The following ZBBX variants were observed in gnomAD, a reference collection of about 807,000 sequenced individuals.
ZBBX encodes the protein zinc finger B-box domain-containing protein 1.
In ZBBX, 101 loss-of-function variants were observed where a neutral mutation model predicts 108.5. That is an observed-to-expected ratio of 0.93 (90% CI 0.79 to 1.10). ZBBX has a LOEUF of 1.10. Among genes scored for constraint, ZBBX ranks in the 50% least tolerant of loss-of-function variants. The probability of loss-of-function intolerance (pLI) is 0.00; values close to 1 mark genes in which losing one functional copy is unlikely to be tolerated. For synonymous variants in ZBBX, 356 were observed against 323.4 expected (o/e 1.10, Z -1.08); for missense variants, 1,009 against 941.4 (o/e 1.07, Z -0.94).
intron 8 of ZBBX, among the ~76,000 whole-genome samples, chr3:167,356,400 T>C (rs865775849): frequency 1.3e-5 from 2 of 152,120 alleles, no homozygotes; most frequent in South Asian, 4.1e-4. Flanking sequence ...GCATTCGAAC[T>C]CAGAGTCCAG....
chr3:167,220,458 C>T, the ZBBX span, among the ~76,000 whole-genome samples: 2 of 151,978 alleles, frequency 1.3e-5, no homozygotes, highest in African/African-American at 4.8e-5. Context: ...TGTGATACAT[C>T]ACATAAACAG....
At chr3:167,282,713 T>C (rs1011312630) in intron 19 of ZBBX, 4 of 446,402 alleles carry the variant, frequency 9.0e-6, no homozygotes. Flanking sequence ...TGTATTTTTT[T>C]CCTAATTTTC....
Position 167,314,127 on chromosome 3 carries a change from T to C in ZBBX, c.1275-11A>G, listed in dbSNP as rs1373127295. On this transcript the variant is annotated splice_polypyrimidine_tract_variant and intron_variant, in intron 15 of 21. Transcript: ENST00000675490. Reference sequence around the variant, plus strand: ...TCATGAAAAGCACAACTTTCACATGTAGGAACAAACAAAATAATAGAGTTG... The same window carrying C: ...TCATGAAAAGCACAACTTTCACATGCAGGAACAAACAAAATAATAGAGTTG... 1.5e-5 allele frequency: 24 copies of C among 1,570,414 alleles called. No homozygotes were observed. The highest frequency in any genetic ancestry group is 4.0e-5 in the Admixed American group (2 of 50,576).
At chr3:167,199,038 G>C in the ZBBX span, among the ~76,000 whole-genome samples, 1 of 152,158 alleles carries the variant, frequency 6.6e-6, no homozygotes, top group Admixed American at 6.5e-5. Context: ...ACAAATCACT[G>C]AAATGAAGTT....
At chr3:167,338,952 T>C (rs1740065203) in intron 9 of ZBBX, among the ~76,000 whole-genome samples, 1 of 152,136 alleles carries the variant, frequency 6.6e-6, no homozygotes, top group Admixed American at 6.6e-5. Flanking sequence ...TTAAAATTGT[T>C]ATATATATTC....
chr3:167,262,890 T>C (rs1943189757), intron 20 of ZBBX, among the ~76,000 whole-genome samples: 1 of 152,196 alleles, frequency 6.6e-6, no homozygotes, highest in Admixed American at 6.5e-5. Flanking sequence ...GTCAATTTTC[T>C]TTATCTTTTC....
chr3:167,226,896 C>T, the ZBBX span, among the ~76,000 whole-genome samples: 1 of 151,678 alleles, frequency 6.6e-6, no homozygotes, highest in Non-Finnish European at 1.5e-5. Context: ...TGCGTAATAA[C>T]TAATAATGTT....
intron 1 of ZBBX, among the ~76,000 whole-genome samples, chr3:167,400,297 G>A (rs868853548): frequency 6.6e-6 from 1 of 152,034 alleles, no homozygotes; most frequent in Non-Finnish European, 1.5e-5. Context: ...TTCTAGAGTG[G>A]CTAAACTAAT....
downstream of ZBBX, among the ~76,000 whole-genome samples, chr3:167,235,984 G>A (rs1288646821): frequency 1.3e-5 from 2 of 151,596 alleles, no homozygotes; most frequent in Non-Finnish European, 3.0e-5. Flanking sequence ...ATAAATAACC[G>A]GGGGTGAAAA....
chr3:167,282,651 C>A (rs918415367), intron 19 of ZBBX, 156 bp from the exon 20 acceptor site: 4 of 586,748 alleles, frequency 6.8e-6, no homozygotes, highest in Admixed American at 3.3e-5. Context: ...TCTAGCTAAC[C>A]ACATTTTCTT....
chr3:167,375,229 C>T (rs916085329), intron 2 of ZBBX, among the ~76,000 whole-genome samples: 1 of 152,172 alleles, frequency 6.6e-6, no homozygotes, highest in Non-Finnish European at 1.5e-5. Flanking sequence ...GGGAGACTAT[C>T]TTATATTTCA....
At position 167,305,623 on chromosome 3, in the gene ZBBX, T is replaced by C. The variant is rs757538404; in HGVS notation, c.1725+20A>G. ...GGTTTCTTATAAAATTTTAATATAA[T>C]AAACATAATAGAGATTTACCAGTGA... is the stretch of plus-strand genomic sequence containing the variant. On this transcript the variant is annotated intron_variant, in intron 17 of 21. Transcript: ENST00000675490. 2.8e-6 allele frequency: 4 copies of C among 1,454,296 alleles called. No individual in the cohort carries two copies. The highest frequency in any genetic ancestry group is 3.6e-6 in the Non-Finnish European group (4 of 1,099,846). 90.1% of individuals were successfully genotyped at this position (1,454,296 alleles called of 1,614,324 possible). A position where few individuals can be genotyped will look rare whatever the true frequency, so the allele number is the denominator to read the frequency against.
the ZBBX span, among the ~76,000 whole-genome samples, chr3:167,202,679 G>GTTT: frequency 2.0e-5 from 3 of 152,088 alleles, no homozygotes; most frequent in South Asian, 6.2e-4. Context: ...TTAAAACCCT[G>GTTT]AAAATGGAAG....
chr3:167,344,324 C>A (rs1741073400), intron 9 of ZBBX, among the ~76,000 whole-genome samples: 1 of 151,826 alleles, frequency 6.6e-6, no homozygotes, highest in South Asian at 2.1e-4. Context: ...TACTAAAATT[C>A]ATTGAATTGT....
intron 1 of ZBBX, among the ~76,000 whole-genome samples, chr3:167,391,927 G>A (rs1165303292): frequency 6.6e-6 from 1 of 151,466 alleles, no homozygotes; most frequent in African/African-American, 2.4e-5. Flanking sequence ...TAAAGTTTCT[G>A]CCTATCCCAT....
chr3:167,327,485 A>G (rs1737602087), intron 11 of ZBBX, among the ~76,000 whole-genome samples: 1 of 152,182 alleles, frequency 6.6e-6, no homozygotes, highest in African/African-American at 2.4e-5. Flanking sequence ...ACCAATGATC[A>G]CACAGTGCAT....
At chr3:167,289,845 C>T (rs557860543) in intron 18 of ZBBX, among the ~76,000 whole-genome samples, 1 of 152,324 alleles carries the variant, frequency 6.6e-6, no homozygotes, top group East Asian at 1.9e-4. Flanking sequence ...GCTGGAAAGT[C>T]TCACTGCCAG....
intron 9 of ZBBX, among the ~76,000 whole-genome samples, chr3:167,334,912 A>G (rs1447849298): frequency 6.6e-6 from 1 of 152,042 alleles, no homozygotes; most frequent in African/African-American, 2.4e-5. Context: ...ACTCCAAGTC[A>G]TTTCTCATTT....
Position 167,242,568 on chromosome 3 carries a change from T to A in ZBBX, c.2330A>T (p.Gln777Leu). ...DFSSQSLNIS[Q>L]ISTDFLKTSH... Reference sequence around the variant, plus strand: ...GGTCTTAAGGAAATCTGTGGAAATCTGACTTATATTCAGTGATTGGCTGCT... The same window carrying A: ...GGTCTTAAGGAAATCTGTGGAAATCAGACTTATATTCAGTGATTGGCTGCT... Residue 777 changes from glutamine (Q) to leucine (L), a missense_variant, in exon 21 of 22, where the codon CAG becomes CTG. Physicochemically the swap from Gln to Leu is moderately radical, Grantham distance 113. Coordinates refer to ENST00000675490, the MANE Select transcript of ZBBX (RefSeq NM_001199201.2). 1 of 1,613,774 alleles carries A rather than the reference T, an allele frequency of 6.2e-7. No individual in the cohort carries two copies.
Sources: allele counts gnomAD v4.1 joint callset (sites outside exome capture counted in the v4.1 genomes callset), GRCh38; gene constraint gnomAD v4.1.1; transcripts MANE v1.5; gene names NCBI Gene and HGNC (gene_info 2026-07-23, HGNC 2026-07-21).